The following NSMF variants were observed in gnomAD, a reference collection of about 807,000 sequenced individuals.
NSMF encodes NMDA receptor synaptonuclear signaling and neuronal migration factor, also known as nasal embryonic LHRH factor.
Under a neutral mutation model 71.0 loss-of-function variants are expected in NSMF, and 31 were observed. The ratio of observed to expected loss-of-function variants is 0.44; its 90% CI spans 0.33 to 0.59. The LOEUF is 0.59. NSMF is among the 20% of genes least tolerant of loss of function. The pLI is 0.04. For synonymous variants in NSMF, 345 were observed against 287.1 expected, an observed-to-expected ratio of 1.20 and a Z score of -2.04; for missense variants, 673 against 740.5, an observed-to-expected ratio of 0.91 and a Z score of 1.06.
rs914154271 is a variant in NSMF, at chr9:137,455,724, A to T, written c.705-90T>A. 27 of 1,422,028 alleles carry T rather than the reference A, an allele frequency of 1.9e-5. No individual in the cohort carries two copies. The African/African-American group carries it at 3.7e-4, about 19-fold the overall frequency. 88.1% of individuals were successfully genotyped at this position (1,422,028 alleles called of 1,614,324 possible). On this transcript the variant is annotated intron_variant, in intron 4 of 15. Transcript: ENST00000371475. The stretch of plus-strand genomic sequence containing the variant: ...CCCTCAGCCCCCACCCGGTCCCTAC[A>T]GTTCCCTTCTTGTCACTGACCCAAT...
Position 137,449,152 on chromosome 9 carries a change from C to A in NSMF, c.*242G>T, listed in dbSNP as rs762125296. The A allele has an allele frequency of 5.1e-6, 3 of 589,004 alleles. No individual in the cohort carries two copies. Among genetic ancestry groups the A allele is most frequent in the Non-Finnish European group, 9.1e-6 (3 of 329,034 alleles). 36.5% of individuals were successfully genotyped at this position (589,004 alleles called of 1,614,324 possible). On this transcript the variant is annotated 3_prime_UTR_variant, in exon 16 of 16. Transcript: ENST00000371475. The stretch of plus-strand genomic sequence containing the variant: ...GAGGCATGGCAGGTCAGTGCCTGGC[C>A]GCTGAGCATCCACGGGCCACAGGGC...
Position 137,449,917 on chromosome 9 carries a change from C to T in NSMF, c.1419+6G>A, listed in dbSNP as rs1325543938. ...GGTCTGGGGTGGGGCTTGGGGGTCA[C>T]TGTACCTTCTCTCCATTGGGGTTCC... On this transcript the variant is annotated splice_donor_region_variant and intron_variant, in intron 14 of 15. Coordinates refer to ENST00000371475, the MANE Select transcript of NSMF (RefSeq NM_001130969.3). 1.2e-6 allele frequency: 2 copies of T among 1,610,318 alleles called. No individual in the cohort carries two copies. The highest frequency in any genetic ancestry group is 2.7e-5 in the African/African-American group (2 of 74,858).
chr9:137,451,066 C>T (rs1422513832), intron 12 of NSMF, among the ~76,000 whole-genome samples: 1 of 38,826 alleles, frequency 2.6e-5, no homozygotes, highest in Non-Finnish European at 4.7e-5. Flanking sequence ...CCCTTGATCT[C>T]CCCCTCCACA....
chr9:137,454,741 C>A (rs897608560), intron 6 of NSMF: 23 of 1,471,396 alleles, frequency 1.6e-5, no homozygotes, highest in Non-Finnish European at 2.1e-5. Flanking sequence ...TCGCCCGGGA[C>A]TTACGCCCTG....
chr9:137,454,499 G>A lies in NSMF; in HGVS notation c.780-56C>T. ...CCGTGAGAGGGTGACGGCAGCCCCT[G>A]CCCACCTAGCCCCCGTCGGGTCATG... is the stretch of plus-strand genomic sequence containing the variant. On this transcript the variant is annotated intron_variant, in intron 6 of 15. Coordinates refer to ENST00000371475, the MANE Select transcript of NSMF (RefSeq NM_001130969.3). 6 of 1,549,170 alleles carry A rather than the reference G, an allele frequency of 3.9e-6. No individual in the cohort carries two copies. The South Asian group carries it at 4.8e-5, about 12-fold the overall frequency.
Position 137,453,066 on chromosome 9 carries a change from G to A in NSMF, c.1037C>T (p.Pro346Leu). 1 of 1,612,532 alleles carries A rather than the reference G, an allele frequency of 6.2e-7. No homozygotes were observed. Among genetic ancestry groups the A allele is most frequent in the Non-Finnish European group, 8.5e-7 (1 of 1,179,902 alleles). Residue 346 changes from proline to leucine, a missense_variant, in exon 9 of 16, where the codon CCA becomes CTA. By Grantham distance (98) the Pro-to-Leu change is moderately conservative. Transcript: ENST00000371475. This position sits in a 1 kb window ranked among gnomAD's most constrained non-coding sequence, Gnocchi z 4.5. Reference protein sequence around the residue: ...VACDTEGFVPPKVMLISSKVP... With the variant: ...VACDTEGFVPLKVMLISSKVP... ...CGGGCTGGGCCTCACCATGACCTTT[G>A]GTGGCACGAAGCCTTCGGTGTCGCA...
intron 2 of NSMF, 27 bp from the exon 3 acceptor site, chr9:137,457,928 C>T: frequency 6.5e-7 from 1 of 1,537,688 alleles, no homozygotes; most frequent in Non-Finnish European, 8.7e-7. Context: ...GTGAGCCTGC[C>T]TGCCGCGTGT....
Position 137,457,612 on chromosome 9 carries a change from G to T in NSMF, c.423C>A (p.Ala141=). 1 of 1,551,520 alleles carries T rather than the reference G, an allele frequency of 6.4e-7. No homozygotes were observed. Among genetic ancestry groups the T allele is most frequent in the Non-Finnish European group, 8.7e-7 (1 of 1,147,428 alleles). ...HPHHHSQPLR[A]SPGGSREDVS... The stretch of plus-strand genomic sequence containing the variant: ...CGTCCTCCCGGCTGCCACCAGGGCT[G>T]GCGCGCAGGGGCTGGCTGTGATGGT... The change falls in exon 3 of 16, where the codon GCC becomes GCA. Residue 141 remains alanine, a synonymous_variant. Coordinates refer to ENST00000371475, the MANE Select transcript of NSMF (RefSeq NM_001130969.3).
chr9:137,449,899 G>C (rs1187246162), intron 14 of NSMF, 24 bp downstream of exon 14: 2 of 1,583,874 alleles, frequency 1.3e-6, no homozygotes, highest in East Asian at 2.2e-5. Flanking sequence ...AGAGGTCTGG[G>C]GTGGGGCTTG....
chr9:137,457,440 GCTT>G lies in NSMF; in HGVS notation c.592_594del (p.Lys198del). 1 of 1,612,898 alleles carries G rather than the reference GCTT, an allele frequency of 6.2e-7. No individual in the cohort carries two copies. Among genetic ancestry groups the G allele is most frequent in the Non-Finnish European group, 8.5e-7 (1 of 1,179,990 alleles). On this transcript the variant is annotated inframe_deletion, in exon 3 of 16. Coordinates refer to ENST00000371475, the MANE Select transcript of NSMF (RefSeq NM_001130969.3). Reference sequence around the variant, plus strand: ...CGGTCAACGCTGTACATCCTCTCCAGCTTCTTGCGGCGACCGGAGGTCTCAGGC... The same window carrying G: ...CGGTCAACGCTGTACATCCTCTCCAGCTTGCGGCGACCGGAGGTCTCAGGC...
At position 137,453,164 on chromosome 9, in the gene NSMF, G is replaced by A; in HGVS notation, c.939C>T (p.Ser313=). Reference sequence around the variant, plus strand: ...AGGCCTCGTCCAGCGTGCAGTGGGAGCTCTGCAGGTCACTGCCTGGGAAGC... The same window carrying A: ...AGGCCTCGTCCAGCGTGCAGTGGGAACTCTGCAGGTCACTGCCTGGGAAGC... The part of the protein sequence containing the change: ...HDSRDSSDLQ[S]SHCTLDEAFE... Residue 313 remains serine (S), a synonymous_variant, in exon 9 of 16, where the codon AGC becomes AGT. Coordinates refer to ENST00000371475, the MANE Select transcript of NSMF (RefSeq NM_001130969.3). The surrounding 1 kb of genome is among the most constrained non-coding windows in gnomAD (Gnocchi z 4.5). 1.2e-6 allele frequency: 2 copies of A among 1,612,632 alleles called. No individual in the cohort carries two copies. The highest frequency in any genetic ancestry group is 4.5e-5 in the East Asian group (2 of 44,880).
rs776134317 is a variant in NSMF at position 137,449,405 on chromosome 9, C to A, written c.1582G>T (p.Asp528Tyr). The change falls in exon 16 of 16, where the codon GAC (aspartate) becomes TAC (tyrosine). Residue 528 changes from aspartate to tyrosine, a missense_variant. Physicochemically the swap from Asp to Tyr is radical, Grantham distance 160. Around this residue, in one of 2 missense-constraint regions of NSMF, gnomAD observed 202 missense variants for 280.8 expected, o/e 0.72. Transcript: ENST00000371475. ...GAGGCCTCTGCCCCTCACAGGACGT[C>A]GTCAAAGTCCAGCAGCTTCGAGTGC... ...RQHSKLLDFD[D>Y]VL 6 of 1,612,530 alleles carry A rather than the reference C, an allele frequency of 3.7e-6. No individual in the cohort carries two copies. The highest frequency in any genetic ancestry group is 1.7e-5 in the Admixed American group (1 of 60,000).
In NSMF at chr9:137,449,211, TG is replaced by T; in HGVS notation, c.*182del. 1 of 625,394 alleles carries T rather than the reference TG, an allele frequency of 1.6e-6. No individual in the cohort carries two copies. Among genetic ancestry groups the T allele is most frequent in the South Asian group, 1.8e-5 (1 of 54,478 alleles). The allele number at this position is 625,394 out of a possible 1,614,324, so 38.7% of individuals were successfully genotyped here. On this transcript the variant is annotated 3_prime_UTR_variant, in exon 16 of 16. Transcript: ENST00000371475. ...CCCGGCCCCCAGGGACTGCAGCCTC[TG>T]CGGCCACGGGTGCAGCGAGGACCGG...
chr9:137,457,548 C>T lies in NSMF; in HGVS notation c.487G>A (p.Gly163Ser). 2 of 1,596,884 alleles carry T rather than the reference C, an allele frequency of 1.3e-6. No individual in the cohort carries two copies. Among genetic ancestry groups the T allele is most frequent in the East Asian group, 2.3e-5 (1 of 43,480 alleles). The change falls in exon 3 of 16, where the codon GGC becomes AGC. Residue 163 changes from glycine to serine, a missense_variant. By Grantham distance (56) the Gly-to-Ser change is moderately conservative. Transcript: ENST00000371475. ...PCQSWAGSRQ[G>S]SKECPGCAQL... ...GCACATCCGGGGCACTCCTTGGAGC[C>T]CTGGCGGCTGCCCGCCCAGCTCTGG...
chr9:137,457,453 A>G lies in NSMF; in HGVS notation c.582T>C (p.Gly194=), dbSNP rs919643787. The G allele has an allele frequency of 6.2e-7, 1 of 1,612,650 alleles. No individual in the cohort carries two copies. Among genetic ancestry groups the G allele is most frequent in the Non-Finnish European group, 8.5e-7 (1 of 1,179,980 alleles). ...LDQPPLPETS[G]RRKKLERMYS... is the part of the protein sequence containing the mutation. ...ACATCCTCTCCAGCTTCTTGCGGCG[A>G]CCGGAGGTCTCAGGCAGAGGTGGCT... The change falls in exon 3 of 16, where the codon GGT becomes GGC. Residue 194 remains glycine (G), a synonymous_variant. Coordinates refer to ENST00000371475, the MANE Select transcript of NSMF (RefSeq NM_001130969.3).
intron 2 of NSMF, 31 bp downstream of exon 2, chr9:137,458,457 G>A: frequency 6.5e-7 from 1 of 1,549,608 alleles, no homozygotes; most frequent in South Asian, 1.2e-5. Flanking sequence ...GGGGGTCTGG[G>A]CGGCCCTGGC....
rs1839722078 is a variant in NSMF, at chr9:137,448,624, CTGGG to C, written c.*766_*769del. On this transcript the variant is annotated 3_prime_UTR_variant, in exon 16 of 16. Transcript: ENST00000371475. This position sits in a 1 kb window ranked among gnomAD's most constrained non-coding sequence, Gnocchi z 5.3. ...GAACTCAACAGCAGCAATGAGAGTG[CTGGG>C]TGGGCTTGGGGGGATGGGGAGCAGG... 6.5e-6 allele frequency: 1 copy of C among 153,808 alleles called. No homozygotes were observed. The highest frequency in any genetic ancestry group is 1.9e-4 in the East Asian group (1 of 5,192). 9.5% of individuals were successfully genotyped at this position (153,808 alleles called of 1,614,324 possible).
chr9:137,454,947 G>A (rs1055108738), intron 6 of NSMF: 35 of 699,958 alleles, frequency 5.0e-5, no homozygotes, highest in African/African-American at 2.5e-4. Context: ...ATCCAAAACG[G>A]GCAAAAAAGC....
At chr9:137,452,961 G>C in intron 9 of NSMF, 95 bp downstream of exon 9, 1 of 1,587,602 alleles carries the variant, frequency 6.3e-7, no homozygotes, top group Non-Finnish European at 8.6e-7. Flanking sequence ...GGCAGCTGGA[G>C]AAGGCTGCGT....
Sources: gnomAD v4.1 joint callset for allele counts (sites outside exome capture counted in the v4.1 genomes callset) on GRCh38, gnomAD v4.1.1 for gene constraint, gnomAD v4.1.1 regional missense constraint, Gnocchi (gnomAD v3.1) non-coding constraint, MANE v1.5 for transcripts, NCBI Gene and HGNC (gene_info 2026-07-23, HGNC 2026-07-21) for gene names.